The following METTL27 variants were observed in gnomAD, a reference collection of about 807,000 sequenced individuals.
METTL27 encodes methyltransferase like 27, also known as methyltransferase-like protein 27.
METTL27 carries 29 observed loss-of-function variants against 24.5 expected under a neutral mutation model. That is an observed-to-expected ratio of 1.18 (90% confidence interval 0.88 to 1.61). The LOEUF (loss-of-function observed/expected upper bound fraction) is 1.61. METTL27 is among the 40% of genes most tolerant of loss of function. The pLI, the probability that METTL27 is intolerant of heterozygous loss-of-function variation, is 0.00. For missense variants in METTL27, 341 were observed against 324.3 expected, an observed-to-expected ratio of 1.05 and a Z score of -0.40; for synonymous variants, 138 against 146.8, an observed-to-expected ratio of 0.94 and a Z score of 0.43.
At chr7:73,835,034 G>T in intron 5 of METTL27, 32 bp from the exon 6 acceptor site, 1 of 1,580,658 alleles carries the variant, frequency 6.3e-7, no homozygotes. Flanking sequence ...GGTGGGGGAG[G>T]GGCAGGAGCC....
At chr7:73,841,892 T>G in intron 2 of METTL27, 126 bp downstream of exon 2, 1 of 1,496,604 alleles carries the variant, frequency 6.7e-7, no homozygotes, top group South Asian at 1.2e-5. Context: ...GGGGCAGGAC[T>G]GTAGGGTTCT....
chr7:73,836,322 G>T, intron 5 of METTL27, among the ~76,000 whole-genome samples: 1 of 139,246 alleles, frequency 7.2e-6, no homozygotes, highest in Admixed American at 7.0e-5. Flanking sequence ...TCCAGTAGGT[G>T]AGGGGCGCCT....
chr7:73,841,882 G>T, intron 2 of METTL27, 136 bp downstream of exon 2: 1 of 1,415,504 alleles, frequency 7.1e-7, no homozygotes. Context: ...GGTTCTGGAA[G>T]GGGCAGGACT....
intron 3 of METTL27, 104 bp downstream of exon 3, chr7:73,840,966 A>T: frequency 7.3e-7 from 1 of 1,369,120 alleles, no homozygotes; most frequent in Non-Finnish European, 9.4e-7. Flanking sequence ...TGCATTTGAA[A>T]CAGTGAGTCT....
At chr7:73,837,339 CAATT>C (rs1174947079) in intron 5 of METTL27, among the ~76,000 whole-genome samples, 1 of 140,038 alleles carries the variant, frequency 7.1e-6, no homozygotes, top group Non-Finnish European at 1.5e-5. Context: ...AAAAGTCAAT[CAATT>C]AAAAATAAAT....
rs1168417584 is a variant in METTL27 at position 73,834,771 on chromosome 7, C to T, written c.710G>A (p.Ser237Asn). 2 of 1,614,160 alleles carry T rather than the reference C, an allele frequency of 1.2e-6. No homozygotes were observed. Among genetic ancestry groups the T allele is most frequent in the Non-Finnish European group, 1.7e-6 (2 of 1,180,028 alleles). Reference protein sequence around the residue: ...SSPALSTCTESGRRPRLRK With the variant: ...SSPALSTCTENGRRPRLRK ...CTTCCTCAACCTGGGTCGCCTTCCA[C>T]TTTCGGTACAGGTAGACAATGCCGG... The change falls in exon 6 of 6, where the codon AGT becomes AAT. Residue 237 changes from serine to asparagine, a missense_variant. Physicochemically the swap from Ser to Asn is conservative, Grantham distance 46. Transcript: ENST00000297873.
In METTL27 at chr7:73,842,147, G is replaced by A. The variant is rs187386987; in HGVS notation, c.-4-3C>T. ...CACCCTCCTCCTGGGCCATGCTCCT[G>A]TGGGGACACCGTTGCCCTGTCTCGA... On this transcript the variant is annotated splice_region_variant and splice_polypyrimidine_tract_variant and intron_variant, in intron 1 of 5. Coordinates refer to ENST00000297873, the MANE Select transcript of METTL27 (RefSeq NM_152559.3). 6.7e-5 allele frequency: 107 copies of A among 1,605,886 alleles called. No individual in the cohort carries two copies. The highest frequency in any genetic ancestry group is 8.5e-5 in the Admixed American group (5 of 58,892).
intron 1 of METTL27, 67 bp from the exon 2 acceptor site, chr7:73,842,211 C>A (rs1788386531): frequency 1.3e-6 from 2 of 1,537,378 alleles, no homozygotes; most frequent in South Asian, 1.2e-5. Flanking sequence ...TTCCCCCTTC[C>A]CTCCTCCCCC....
At chr7:73,838,156 A>C (rs1325616645) in intron 5 of METTL27, among the ~76,000 whole-genome samples, 3 of 151,702 alleles carry the variant, frequency 2.0e-5, no homozygotes, top group Non-Finnish European at 4.4e-5. Flanking sequence ...CCTGGTGGGG[A>C]ATTCTTGACG....
At position 73,841,093 on chromosome 7, in the gene METTL27, C is replaced by T. The variant is rs1320763602; in HGVS notation, c.229G>A (p.Gly77Ser). The change falls in exon 3 of 6, where the codon GGC becomes AGC. Residue 77 changes from glycine (G) to serine (S), a missense_variant. Physicochemically the swap from Gly to Ser is moderately conservative, Grantham distance 56. Coordinates refer to ENST00000297873, the MANE Select transcript of METTL27 (RefSeq NM_152559.3). ...HSALILDVAC[G>S]TGLVAAELRA... The stretch of plus-strand genomic sequence containing the variant: ...ACCTCGGCAGCCACTAGGCCTGTGC[C>T]ACAGGCCACGTCCAGGATCAGGGCA... 2 of 1,513,058 alleles carry T rather than the reference C, an allele frequency of 1.3e-6. No homozygotes were observed. Among genetic ancestry groups the T allele is most frequent in the Non-Finnish European group, 1.8e-6 (2 of 1,140,478 alleles). The allele number at this position is 1,513,058 out of a possible 1,614,324, so 93.7% of individuals were successfully genotyped here. A position where few individuals can be genotyped will look rare whatever the true frequency, so the allele number is the denominator to read the frequency against.
Position 73,842,161 on chromosome 7 carries a change from G to A in METTL27, c.-4-17C>T, listed in dbSNP as rs1554636639. 17 of 1,593,068 alleles carry A rather than the reference G, an allele frequency of 1.1e-5. No homozygotes were observed. Among genetic ancestry groups the A allele is most frequent in the Non-Finnish European group, 1.5e-5 (17 of 1,172,284 alleles). On this transcript the variant is annotated splice_polypyrimidine_tract_variant and intron_variant, in intron 1 of 5. Transcript: ENST00000297873. The stretch of plus-strand genomic sequence containing the variant: ...GCCATGCTCCTGTGGGGACACCGTT[G>A]CCCTGTCTCGAGGTCCACCTCAATC...
intron 5 of METTL27, among the ~76,000 whole-genome samples, chr7:73,837,824 C>T (rs1011692283): frequency 1.3e-5 from 2 of 151,878 alleles, no homozygotes; most frequent in African/African-American, 2.4e-5. Flanking sequence ...GGATTATAAG[C>T]GTGAGCCACT....
At chr7:73,838,798 C>T (rs1725449927) in intron 5 of METTL27, among the ~76,000 whole-genome samples, 1 of 151,064 alleles carries the variant, frequency 6.6e-6, no homozygotes, top group Non-Finnish European at 1.5e-5. Context: ...CAGACCTGCC[C>T]AGGCTTAGCC....
At chr7:73,836,190 C>A in intron 5 of METTL27, among the ~76,000 whole-genome samples, 1 of 45,544 alleles carries the variant, frequency 2.2e-5, no homozygotes, top group Non-Finnish European at 6.4e-5. Context: ...GGGGGGTCAG[C>A]CCCCCGCCAG....
chr7:73,841,532 A>AAG (rs1554636451), intron 2 of METTL27, among the ~76,000 whole-genome samples: 1 of 147,564 alleles, frequency 6.8e-6, no homozygotes, highest in Non-Finnish European at 1.5e-5. Context: ...GAGTGCAGTG[A>AAG]AGAGATCTTG....
chr7:73,839,486 T>C (rs1788292348), intron 5 of METTL27: 1 of 152,808 alleles, frequency 6.5e-6, no homozygotes, highest in South Asian at 2.1e-4. Context: ...GAAACACACC[T>C]GCCCGGGCAG....
intron 5 of METTL27, chr7:73,839,817 C>T (rs1398706569): frequency 4.2e-6 from 2 of 481,284 alleles, no homozygotes; most frequent in South Asian, 4.2e-5. Context: ...CCTGGTTGTC[C>T]ATGGATAAGA....
chr7:73,836,510 C>T (rs1389251990), intron 5 of METTL27, among the ~76,000 whole-genome samples: 9 of 115,086 alleles, frequency 7.8e-5, no homozygotes, highest in Non-Finnish European at 1.3e-4. Context: ...CCCGGCCAGC[C>T]GCCCCATCCG....
intron 1 of METTL27, 125 bp from the exon 2 acceptor site, chr7:73,842,269 C>A: frequency 7.0e-7 from 1 of 1,433,234 alleles, no homozygotes; most frequent in Non-Finnish European, 9.2e-7. Context: ...CCTATCCCGG[C>A]CCCTATCCCA....
Sources: gnomAD v4.1 joint callset for allele counts (sites outside exome capture counted in the v4.1 genomes callset) on GRCh38, gnomAD v4.1.1 for gene constraint, MANE v1.5 for transcripts, NCBI Gene and HGNC (gene_info 2026-07-23, HGNC 2026-07-21) for gene names.